Variants in FLNB observed in about 807,000 individuals in gnomAD.
The protein encoded by FLNB is filamin B.
In FLNB, 111 loss-of-function variants were observed where a neutral mutation model predicts 250.6. That is an observed-to-expected ratio of 0.44 (90% CI 0.38 to 0.52). The LOEUF (loss-of-function observed/expected upper bound fraction) is 0.52. Ranked by LOEUF, FLNB falls within the 20% of genes least tolerant of loss-of-function variation. The pLI, the probability that FLNB is intolerant of heterozygous loss-of-function variation, is 0.00. For missense variants in FLNB, 2,869 were observed against 3,447.8 expected (o/e 0.83, Z 4.20); for synonymous variants, 1,302 against 1,372.1 (o/e 0.95, Z 1.13).
At chr3:58,130,068 G>GGC (rs1307850900) in intron 24 of FLNB, among the ~76,000 whole-genome samples, 2 of 152,224 alleles carry the variant, frequency 1.3e-5, no homozygotes, top group Non-Finnish European at 2.9e-5. Context: ...AAGACGGCAA[G>GGC]GCTTCACCAG....
rs2107212108 is a variant in FLNB at position 58,132,822 on chromosome 3, G to A, written c.4405G>A (p.Val1469Met). The change falls in exon 26 of 46, where the codon GTG becomes ATG. Residue 1469 changes from valine (V) to methionine (M), a missense_variant. Val to Met is a conservative substitution (Grantham distance 21). Coordinates refer to ENST00000295956, the MANE Select transcript of FLNB (RefSeq NM_001457.4). ...VLGPRGLVEP[V>M]NVVDNGDGTH... ...TCTGTCCTCAGGCTTGGTGGAGCCA[G>A]TGAACGTGGTGGACAATGGAGATGG... 6.2e-7 allele frequency: 1 copy of A among 1,614,174 alleles called. No individual in the cohort carries two copies. Among genetic ancestry groups the A allele is most frequent in the Non-Finnish European group, 8.5e-7 (1 of 1,180,020 alleles).
chr3:58,124,035 T>C (rs936212121), intron 21 of FLNB, among the ~76,000 whole-genome samples: 1 of 152,152 alleles, frequency 6.6e-6, no homozygotes, highest in African/African-American at 2.4e-5. Context: ...TGGAAAAAAG[T>C]TTAAAATGTA....
Position 58,155,536 on chromosome 3 carries a change from G to C in FLNB, c.6773-424G>C, listed in dbSNP as rs181059474. ...AAGTGACAAAGTAATAAGTGAAAAT[G>C]ATACGTCAAAATAACTGTAAAATGA... is the stretch of plus-strand genomic sequence containing the variant. On this transcript the variant is annotated intron_variant, in intron 40 of 45. Transcript: ENST00000295956. Among the ~76,000 whole-genome samples, 42 of 152,062 alleles carry C rather than the reference G, an allele frequency of 2.8e-4. No homozygotes were observed. The East Asian group carries it at 6.5e-3, about 24-fold the overall frequency.
intron 38 of FLNB, chr3:58,151,169 A>T (rs2097344187): frequency 6.6e-6 from 1 of 152,224 alleles, no homozygotes. Flanking sequence ...AGGCAGGCAG[A>T]TCACCTGAGG....
intron 1 of FLNB, among the ~76,000 whole-genome samples, chr3:58,033,781 T>C (rs2097134219): frequency 6.6e-6 from 1 of 152,252 alleles, no homozygotes; most frequent in African/African-American, 2.4e-5. Flanking sequence ...TCCTTTTTAT[T>C]GCTGAGTAGT....
chr3:58,160,559 T>G (rs894073744), intron 42 of FLNB, among the ~76,000 whole-genome samples: 1 of 152,164 alleles, frequency 6.6e-6, no homozygotes, highest in African/African-American at 2.4e-5. Context: ...GAGAAATAGT[T>G]TCTGCCTCGG....
intron 1 of FLNB, among the ~76,000 whole-genome samples, chr3:58,065,158 C>T (rs1006028876): frequency 4.6e-5 from 7 of 152,210 alleles, no homozygotes; most frequent in South Asian, 2.1e-4. Flanking sequence ...ATGGTTCATA[C>T]GCTGCCTGTC....
At chr3:58,010,494 A>C (rs553272384) in intron 1 of FLNB, among the ~76,000 whole-genome samples, 1 of 152,174 alleles carries the variant, frequency 6.6e-6, no homozygotes, top group Non-Finnish European at 1.5e-5. Context: ...AAGAATCTGC[A>C]TGGCACGCTG....
chr3:58,147,750 T>A (rs908722815), intron 34 of FLNB, among the ~76,000 whole-genome samples: 1 of 152,232 alleles, frequency 6.6e-6, no homozygotes, highest in South Asian at 2.1e-4. Flanking sequence ...GACCTCTACC[T>A]CCTGGGTTCA....
At position 58,163,192 on chromosome 3, in the gene FLNB, G is replaced by A; in HGVS notation, c.7060G>A (p.Val2354Ile). Reference sequence around the variant, plus strand: ...TCGCTTCATCCCTCATGAGAATGGTGTCCACACCATCGATGTCAAGTTCAA... The same window carrying A: ...TCGCTTCATCCCTCATGAGAATGGTATCCACACCATCGATGTCAAGTTCAA... ...AVRFIPHENG[V>I]HTIDVKFNGS... The change falls in exon 43 of 46, where the codon GTC (valine) becomes ATC (isoleucine). Residue 2354 changes from valine to isoleucine, a missense_variant. By Grantham distance (29) the Val-to-Ile change is conservative. Transcript: ENST00000295956. 1.2e-6 allele frequency: 2 copies of A among 1,614,202 alleles called. No individual in the cohort carries two copies. The highest frequency in any genetic ancestry group is 8.5e-7 in the Non-Finnish European group (1 of 1,180,028).
chr3:58,105,267 G>A (rs1220494049), intron 11 of FLNB, 51 bp downstream of exon 11: 2 of 1,612,004 alleles, frequency 1.2e-6, no homozygotes, highest in South Asian at 1.1e-5. Flanking sequence ...GGATTACAGG[G>A]CTTCCGGGCT....
At chr3:58,134,924 C>G in intron 27 of FLNB, 152 bp downstream of exon 27, 1 of 727,376 alleles carries the variant, frequency 1.4e-6, no homozygotes, top group South Asian at 1.8e-5. Context: ...TGTGCAGAAG[C>G]AGAAGCAGCT....
intron 1 of FLNB, among the ~76,000 whole-genome samples, chr3:58,035,202 G>A (rs185227538): frequency 2.0e-5 from 3 of 152,320 alleles, no homozygotes; most frequent in Non-Finnish European, 4.4e-5. Flanking sequence ...CATCTGTGAA[G>A]TGAGATTACC....
At chr3:58,143,332 G>T (rs1448845619) in intron 31 of FLNB, 141 bp from the exon 32 acceptor site, 6 of 843,528 alleles carry the variant, frequency 7.1e-6, no homozygotes, top group Middle Eastern at 3.2e-4. Flanking sequence ...CTCTCCCATT[G>T]TGGGACTTGA....
intron 3 of FLNB, among the ~76,000 whole-genome samples, chr3:58,079,436 A>G (rs1191086851): frequency 6.6e-6 from 1 of 152,132 alleles, no homozygotes; most frequent in Non-Finnish European, 1.5e-5. Context: ...TATTTTTAGT[A>G]GAGACAGGGT....
chr3:58,070,517 A>G (rs2097192634), intron 1 of FLNB, among the ~76,000 whole-genome samples: 1 of 152,088 alleles, frequency 6.6e-6, no homozygotes, highest in African/African-American at 2.4e-5. Flanking sequence ...CCCCTCTACC[A>G]TGTAGCCTCT....
Position 58,169,426 on chromosome 3 carries a change from G to A in FLNB, c.7418-164G>A, listed in dbSNP as rs2097377259. On this transcript the variant is annotated intron_variant, in intron 44 of 45. Transcript: ENST00000295956. This position sits in a 1 kb window ranked among gnomAD's most constrained non-coding sequence, Gnocchi z 4.8. ...AGTTGTATGGGGGTGGGATCCTAGG[G>A]GTTTAGAAGACATTATGGGTGTGAG... 1 of 679,172 alleles carries A rather than the reference G, an allele frequency of 1.5e-6. No homozygotes were observed. The highest frequency in any genetic ancestry group is 2.7e-6 in the Non-Finnish European group (1 of 370,400). The allele number at this position is 679,172 out of a possible 1,614,324, so 42.1% of individuals were successfully genotyped here.
chr3:58,024,541 G>A (rs2097119982), intron 1 of FLNB, among the ~76,000 whole-genome samples: 1 of 151,996 alleles, frequency 6.6e-6, no homozygotes, highest in South Asian at 2.1e-4. Context: ...CTAGGAAGGT[G>A]AAAGGTGGTT....
chr3:58,145,510 C>T (rs546310295), intron 32 of FLNB, among the ~76,000 whole-genome samples: 22 of 152,308 alleles, frequency 1.4e-4, no homozygotes, highest in African/African-American at 3.6e-4. Context: ...GAGAAGACCA[C>T]TGTGGGGTTG....
Sources: gnomAD v4.1 joint callset for allele counts (sites outside exome capture counted in the v4.1 genomes callset) on GRCh38, gnomAD v4.1.1 for gene constraint, Gnocchi (gnomAD v3.1) non-coding constraint, MANE v1.5 for transcripts, NCBI Gene and HGNC (gene_info 2026-07-23, HGNC 2026-07-21) for gene names.